ERC1: variants seen among roughly 807,000 people sequenced by gnomAD.
ERC1 encodes the protein ELKS/RAB6-interacting/CAST family member 1, also known as RAB6 interacting protein 2.
A neutral mutation model predicts 132.0 loss-of-function variants in ERC1; 56 were observed. That is an observed-to-expected ratio of 0.42 (90% CI 0.34 to 0.53). ERC1 has a LOEUF of 0.53. Ranked by LOEUF, ERC1 falls within the 20% of genes least tolerant of loss-of-function variation. ERC1 has a pLI of 0.03. For synonymous variants in ERC1, 478 were observed against 476.1 expected, an observed-to-expected ratio of 1.00 and a Z score of -0.05; for missense variants, 1,202 against 1,349.9, an observed-to-expected ratio of 0.89 and a Z score of 1.72.
At chr12:1,079,895 A>G (rs2154187248) in intron 2 of ERC1, among the ~76,000 whole-genome samples, 1 of 152,322 alleles carries the variant, frequency 6.6e-6, no homozygotes, top group African/African-American at 2.4e-5. Context: ...TAATATGACA[A>G]AAGTTGATAT....
intron 2 of ERC1, among the ~76,000 whole-genome samples, chr12:1,057,891 G>C (rs1973298228): frequency 6.6e-6 from 1 of 151,994 alleles, no homozygotes; most frequent in Non-Finnish European, 1.5e-5. Flanking sequence ...ACCGCACCCG[G>C]CCTAAAATTT....
At chr12:1,373,822 A>G (rs1476299531) in intron 16 of ERC1, among the ~76,000 whole-genome samples, 1 of 151,932 alleles carries the variant, frequency 6.6e-6, no homozygotes, top group African/African-American at 2.4e-5. Context: ...GAAATTAATT[A>G]ATCTCTGAGC....
In ERC1 at chr12:1,345,187, C is replaced by CTTTT. The variant is rs573681390; in HGVS notation, c.2781-26638_2781-26635dup. 7.0e-3 allele frequency among the ~76,000 whole-genome samples: 917 copies of CTTTT among 131,492 alleles called. 37 individuals are homozygous for CTTTT. Among genetic ancestry groups the CTTTT allele is most frequent in the African/African-American group, 0.023 (775 of 33,810 alleles). 86.3% of individuals were successfully genotyped at this position (131,492 alleles called of 152,430 possible). A position where few individuals can be genotyped will look rare whatever the true frequency, so the allele number is the denominator to read the frequency against. On this transcript the variant is annotated intron_variant, in intron 15 of 18. Coordinates refer to ENST00000360905, the MANE Select transcript of ERC1 (RefSeq NM_178040.4). ...AGAGAATTTCAGTAGAATATTTCTT[C>CTTTT]TTTTTTTTTTTGAGACGGAGTCTCA...
chr12:1,397,526 A>G (rs2154385549), intron 16 of ERC1, among the ~76,000 whole-genome samples: 1 of 152,358 alleles, frequency 6.6e-6, no homozygotes, highest in East Asian at 1.9e-4. Context: ...TTCCCAGAAC[A>G]TACTGTTAAA....
intron 8 of ERC1, among the ~76,000 whole-genome samples, chr12:1,166,582 T>C (rs1952450248): frequency 1.3e-5 from 2 of 152,218 alleles, no homozygotes; most frequent in Admixed American, 1.3e-4. Context: ...GCTTGTTGCA[T>C]GTTTTTATCA....
intron 18 of ERC1, among the ~76,000 whole-genome samples, chr12:1,463,769 TCTC>T (rs1465076410): frequency 1.5e-4 from 22 of 145,682 alleles, no homozygotes; most frequent in Non-Finnish European, 3.0e-5. Flanking sequence ...TGAGTAGTTT[TCTC>T]CTCTCTGCTC....
chr12:1,036,967 G>C lies in ERC1; in HGVS notation c.669+8395G>C, dbSNP rs1969208806. Among the ~76,000 whole-genome samples, 4 of 152,156 alleles carry C rather than the reference G, an allele frequency of 2.6e-5. No homozygotes were observed. The South Asian group carries it at 8.3e-4, about 31-fold the overall frequency. On this transcript the variant is annotated intron_variant, in intron 2 of 18. Transcript: ENST00000360905. The stretch of plus-strand genomic sequence containing the variant: ...TTTGGGGAGTTAACAATCATTTCGA[G>C]AAGCAAAATTTGTACATGTATGGCT...
chr12:1,098,108 T>G (rs1469797763), intron 3 of ERC1, among the ~76,000 whole-genome samples: 1 of 152,214 alleles, frequency 6.6e-6, no homozygotes, highest in African/African-American at 2.4e-5. Context: ...GTTCTTTGTT[T>G]GGGCTTTCCC....
chr12:1,130,392 C>T (rs976426077), intron 7 of ERC1, among the ~76,000 whole-genome samples: 2 of 152,006 alleles, frequency 1.3e-5, no homozygotes, highest in African/African-American at 4.8e-5. Flanking sequence ...GATACCAGAA[C>T]GAGGAAGTGT....
intron 16 of ERC1, among the ~76,000 whole-genome samples, chr12:1,394,112 C>T (rs2090284629): frequency 7.1e-6 from 1 of 140,422 alleles, no homozygotes; most frequent in South Asian, 2.4e-4. Context: ...TAAAAAAAAA[C>T]TTTTTAGGCC....
intron 18 of ERC1, among the ~76,000 whole-genome samples, chr12:1,452,307 G>T (rs1300883287): frequency 3.3e-5 from 5 of 152,024 alleles, no homozygotes; most frequent in African/African-American, 1.2e-4. Flanking sequence ...GGGGTGAGTG[G>T]GTTGGTTGGT....
intron 3 of ERC1, among the ~76,000 whole-genome samples, chr12:1,084,744 T>G (rs1648015425): frequency 6.6e-6 from 1 of 152,006 alleles, no homozygotes; most frequent in Non-Finnish European, 1.5e-5. Flanking sequence ...CAGGCTGGAG[T>G]GCAGTGGCAT....
chr12:1,320,813 TGCCTCA>T (rs900703419), intron 15 of ERC1, among the ~76,000 whole-genome samples: 2 of 152,196 alleles, frequency 1.3e-5, no homozygotes, highest in African/African-American at 4.8e-5. Flanking sequence ...GTCATTCTCC[TGCCTCA>T]GCCTCCCGAG....
At chr12:1,271,920 A>T (rs1429274176) in intron 14 of ERC1, among the ~76,000 whole-genome samples, 1 of 152,212 alleles carries the variant, frequency 6.6e-6, no homozygotes, top group East Asian at 1.9e-4. Flanking sequence ...GGCTTACTGA[A>T]TGTGAGGGAA....
chr12:1,465,813 C>T (rs901671862), intron 18 of ERC1, among the ~76,000 whole-genome samples: 5 of 152,226 alleles, frequency 3.3e-5, no homozygotes, highest in African/African-American at 1.2e-4. Context: ...CTTGCTGTTG[C>T]TGCTGTTACT....
intron 8 of ERC1, among the ~76,000 whole-genome samples, chr12:1,168,107 T>C (rs986780074): frequency 6.6e-6 from 1 of 152,154 alleles, no homozygotes; most frequent in Non-Finnish European, 1.5e-5. Context: ...CTCTGCCTTA[T>C]ACACAGCAAA....
chr12:1,094,271 G>A (rs996968020), intron 3 of ERC1, among the ~76,000 whole-genome samples: 7 of 151,452 alleles, frequency 4.6e-5, no homozygotes, highest in Admixed American at 2.0e-4. Context: ...CTCCCGGCTC[G>A]GCCTCCCAAA....
intron 16 of ERC1, among the ~76,000 whole-genome samples, chr12:1,406,810 T>C (rs2091523729): frequency 6.6e-6 from 1 of 152,062 alleles, no homozygotes; most frequent in African/African-American, 2.4e-5. Context: ...GAGTCTGAGG[T>C]TGCAGTGAGC....
chr12:1,252,137 G>A (rs2076507580), intron 13 of ERC1, among the ~76,000 whole-genome samples: 3 of 152,052 alleles, frequency 2.0e-5, no homozygotes, highest in African/African-American at 7.2e-5. Context: ...TCTGTGTTAG[G>A]AACGTTATAA....
Sources: gnomAD v4.1 joint callset for allele counts (sites outside exome capture counted in the v4.1 genomes callset) on GRCh38, gnomAD v4.1.1 for gene constraint, MANE v1.5 for transcripts, NCBI Gene and HGNC (gene_info 2026-07-23, HGNC 2026-07-21) for gene names.